GDE1: variants seen among roughly 807,000 people sequenced by gnomAD.
The protein encoded by GDE1 is glycerophosphodiester phosphodiesterase 1, also known as RGS16-interacting membrane protein.
GDE1 carries 24 observed loss-of-function variants against 32.2 expected under a neutral mutation model. The ratio of observed to expected loss-of-function variants is 0.75; its 90% CI spans 0.54 to 1.05. GDE1 has a LOEUF of 1.05. Among genes scored for constraint, GDE1 ranks in the 50% least tolerant of loss-of-function variants. The probability of loss-of-function intolerance (pLI) is 0.00; values close to 1 mark genes in which losing one functional copy is unlikely to be tolerated. For missense variants in GDE1, 380 were observed against 415.0 expected, an observed-to-expected ratio of 0.92 and a Z score of 0.73; for synonymous variants, 159 against 158.6, an observed-to-expected ratio of 1.00 and a Z score of -0.02.
chr16:19,520,498 TG>T (rs985250673), intron 1 of GDE1, among the ~76,000 whole-genome samples: 25 of 147,708 alleles, frequency 1.7e-4, no homozygotes, highest in Admixed American at 8.0e-4. Flanking sequence ...CCGAGGCGGG[TG>T]GATCACTTTG....
At position 19,502,374 on chromosome 16, in the gene GDE1, CTTTTTTTTTTTTTTT is replaced by C. The variant is rs59519757; in HGVS notation, c.*1081_*1095del. ...AAGATGTTCTAGAAGTTCTAGTTAT[CTTTTTTTTTTTTTTT>C]TTTTTTTTTTTTTTAAGAGTCAGGT... On this transcript the variant is annotated 3_prime_UTR_variant, in exon 6 of 6. Coordinates refer to ENST00000353258, the MANE Select transcript of GDE1 (RefSeq NM_016641.4). The C allele has an allele frequency of 1.2e-5, 1 of 82,192 alleles. No homozygotes were observed. Among genetic ancestry groups the C allele is most frequent in the Non-Finnish European group, 2.3e-5 (1 of 43,514 alleles). 5.1% of individuals were successfully genotyped at this position (82,192 alleles called of 1,614,324 possible). A position where few individuals can be genotyped will look rare whatever the true frequency, so the allele number is the denominator to read the frequency against.
At chr16:19,520,473 T>C (rs1180660437) in intron 1 of GDE1, among the ~76,000 whole-genome samples, 1 of 151,454 alleles carries the variant, frequency 6.6e-6, no homozygotes, top group Non-Finnish European at 1.5e-5. Context: ...CCTGTAATCC[T>C]AGTACCTTGG....
chr16:19,505,145 T>G, intron 4 of GDE1, 53 bp from the exon 5 acceptor site: 2 of 1,248,698 alleles, frequency 1.6e-6, no homozygotes, highest in Non-Finnish European at 2.4e-6. Flanking sequence ...AGTTGAATAC[T>G]TATTAGTTTA....
At chr16:19,520,553 C>A (rs918555621) in intron 1 of GDE1, among the ~76,000 whole-genome samples, 1 of 151,668 alleles carries the variant, frequency 6.6e-6, no homozygotes, top group Non-Finnish European at 1.5e-5. Context: ...AGCAGAACCC[C>A]ATCTCTACTA....
chr16:19,507,985 G>A (rs191140281), intron 3 of GDE1, among the ~76,000 whole-genome samples: 1 of 152,208 alleles, frequency 6.6e-6, no homozygotes, highest in African/African-American at 2.4e-5. Context: ...AGAAGGTGGA[G>A]TACTGCTGCT....
intron 1 of GDE1, among the ~76,000 whole-genome samples, chr16:19,518,029 T>C (rs226886): frequency 0.47 from 70,627 of 151,568 alleles, 18,569 homozygotes; most frequent in African/African-American, 0.7. Flanking sequence ...CCGGGACTAC[T>C]GGCACGTGCC....
intron 2 of GDE1, among the ~76,000 whole-genome samples, chr16:19,514,061 T>C (rs536275481): frequency 1.2e-4 from 19 of 152,030 alleles, no homozygotes; most frequent in African/African-American, 4.6e-4. Flanking sequence ...TTATATTGTA[T>C]AATGGATGTT....
intron 4 of GDE1, among the ~76,000 whole-genome samples, chr16:19,506,372 C>T (rs747097370): frequency 4.0e-5 from 6 of 151,876 alleles, no homozygotes; most frequent in Non-Finnish European, 5.9e-5. Flanking sequence ...TTACAGTTGC[C>T]GGCAGGGCAT....
chr16:19,505,811 T>C lies in GDE1; in HGVS notation c.637-719A>G, dbSNP rs755649356. Among the ~76,000 whole-genome samples, 11 of 152,322 alleles carry C rather than the reference T, an allele frequency of 7.2e-5. No individual in the cohort carries two copies. In the South Asian group the frequency reaches 1.9e-3, roughly 26 times the overall value. Reference sequence around the variant, plus strand: ...CACTGTAAAAATTTTCAATGTATGCTCTGTTGGTCACTGGTAAAGAATGCT... The same window carrying C: ...CACTGTAAAAATTTTCAATGTATGCCCTGTTGGTCACTGGTAAAGAATGCT... On this transcript the variant is annotated intron_variant, in intron 4 of 5. Transcript: ENST00000353258.
Position 19,503,841 on chromosome 16 carries a change from G to A in GDE1, c.849-224C>T, listed in dbSNP as rs566538863. The A allele has an allele frequency of 9.1e-6, 4 of 437,808 alleles. No homozygotes were observed. The South Asian group carries it at 1.6e-4, about 18-fold the overall frequency. The allele number at this position is 437,808 out of a possible 1,614,324, so 27.1% of individuals were successfully genotyped here. ...ACATTTCAGTAGCTCACTAATGATCGCCACCCCCAAATGTCCTTGGCACAG... is the reference window on the plus strand; with the variant it reads ...ACATTTCAGTAGCTCACTAATGATCACCACCCCCAAATGTCCTTGGCACAG... On this transcript the variant is annotated intron_variant, in intron 5 of 5. Coordinates refer to ENST00000353258, the MANE Select transcript of GDE1 (RefSeq NM_016641.4).
chr16:19,520,792 A>G (rs575877105), intron 1 of GDE1, among the ~76,000 whole-genome samples: 1 of 152,146 alleles, frequency 6.6e-6, no homozygotes, highest in East Asian at 1.9e-4. Context: ...AGAGAATCAG[A>G]TATATTTACA....
intron 2 of GDE1, among the ~76,000 whole-genome samples, chr16:19,511,869 C>T (rs1040867692): frequency 1.2e-4 from 18 of 151,998 alleles, no homozygotes; most frequent in African/African-American, 4.3e-4. Flanking sequence ...ACCTTCAGTT[C>T]CATCCATGTT....
intron 2 of GDE1, among the ~76,000 whole-genome samples, chr16:19,512,322 G>T (rs1462240529): frequency 6.6e-6 from 1 of 152,022 alleles, no homozygotes; most frequent in Non-Finnish European, 1.5e-5. Context: ...CTAATAATTT[G>T]TGGTGTTTTT....
In GDE1 at chr16:19,522,041, G is replaced by T. The variant is rs1299666489; in HGVS notation, c.-77C>A. On this transcript the variant is annotated 5_prime_UTR_variant, in exon 1 of 6. Coordinates refer to ENST00000353258, the MANE Select transcript of GDE1 (RefSeq NM_016641.4). ...GGGCAGTAGAACGAGAAGCGAGGGGGAGGGTCCAAGGCACCGGCAGCAGCA... is the reference window on the plus strand; with the variant it reads ...GGGCAGTAGAACGAGAAGCGAGGGGTAGGGTCCAAGGCACCGGCAGCAGCA... 6 of 1,432,284 alleles carry T rather than the reference G, an allele frequency of 4.2e-6. No homozygotes were observed. The highest frequency in any genetic ancestry group is 2.4e-5 in the Admixed American group (1 of 42,348). The allele number at this position is 1,432,284 out of a possible 1,614,324, so 88.7% of individuals were successfully genotyped here.
chr16:19,505,738 A>G (rs150465630), intron 4 of GDE1, among the ~76,000 whole-genome samples: 9 of 152,308 alleles, frequency 5.9e-5, no homozygotes, highest in African/African-American at 9.6e-5. Flanking sequence ...TGCAAGCCCC[A>G]TGACCCTATT....
At chr16:19,508,837 CTG>C (rs1378387729) in intron 3 of GDE1, among the ~76,000 whole-genome samples, 10 of 152,192 alleles carry the variant, frequency 6.6e-5, no homozygotes, top group Admixed American at 6.5e-4. Context: ...ATTTTGGCCA[CTG>C]TGCTCTACTA....
intron 5 of GDE1, 195 bp downstream of exon 5, chr16:19,504,686 A>AT (rs1350266887): frequency 3.7e-6 from 2 of 541,924 alleles, no homozygotes; most frequent in Non-Finnish European, 6.5e-6. Context: ...AAAATATGTG[A>AT]TCGACTCGGT....
At chr16:19,510,801 T>C (rs1257198563) in intron 3 of GDE1, 38 bp downstream of exon 3, 1 of 885,828 alleles carries the variant, frequency 1.1e-6, no homozygotes, top group South Asian at 1.9e-5. Flanking sequence ...AAATAAGATG[T>C]CTTTTTAACA....
intron 3 of GDE1, among the ~76,000 whole-genome samples, chr16:19,508,104 T>C (rs751734517): frequency 7.2e-5 from 11 of 152,204 alleles, no homozygotes; most frequent in Non-Finnish European, 1.2e-4. Flanking sequence ...TACCCTAGTT[T>C]AGCCACTATG....
Sources: gnomAD v4.1 joint callset for allele counts (sites outside exome capture counted in the v4.1 genomes callset) on GRCh38, gnomAD v4.1.1 for gene constraint, MANE v1.5 for transcripts, NCBI Gene and HGNC (gene_info 2026-07-23, HGNC 2026-07-21) for gene names.